Variants in COL28A1 observed in about 807,000 individuals in gnomAD.
COL28A1 encodes collagen type XXVIII alpha 1 chain.
A neutral mutation model predicts 150.2 loss-of-function variants in COL28A1; 161 were observed. The ratio of observed to expected loss-of-function variants is 1.07; its 90% confidence interval spans 0.94 to 1.22. The LOEUF is 1.22. Ranked by LOEUF, COL28A1 falls within the 50% of genes most tolerant of loss-of-function variation. The pLI, the probability that COL28A1 is intolerant of heterozygous loss-of-function variation, is 0.00. For synonymous variants in COL28A1, 552 were observed against 469.7 expected (o/e 1.18, Z -2.26); for missense variants, 1,617 against 1,388.3 (o/e 1.16, Z -2.62).
chr7:7,393,022 C>T (rs531693954), intron 27 of COL28A1, among the ~76,000 whole-genome samples: 5 of 152,048 alleles, frequency 3.3e-5, no homozygotes, highest in East Asian at 1.9e-4. Flanking sequence ...CCCTTGCTGG[C>T]GAGGAGTTGT....
In COL28A1 at chr7:7,517,651, T is replaced by C. The variant is rs116286219; in HGVS notation, c.855+145A>G. 1,379 of 1,155,190 alleles carry C rather than the reference T, an allele frequency of 1.2e-3. 12 individuals are homozygous for C. The African/African-American group carries it at 0.018, about 15-fold the overall frequency. The allele number at this position is 1,155,190 out of a possible 1,614,324, so 71.6% of individuals were successfully genotyped here. A position where few individuals can be genotyped will look rare whatever the true frequency, so the allele number is the denominator to read the frequency against. On this transcript the variant is annotated intron_variant, in intron 7 of 34. Coordinates refer to ENST00000399429, the MANE Select transcript of COL28A1 (RefSeq NM_001037763.3). ...ACATTTCCACTTCTAAGATCATATC[T>C]TTCTGATTGCCTTCTTGAGCCATCA...
At chr7:7,492,686 G>A (rs1347953406) in intron 11 of COL28A1, among the ~76,000 whole-genome samples, 2 of 149,712 alleles carry the variant, frequency 1.3e-5, no homozygotes, top group Non-Finnish European at 3.0e-5. Context: ...CAGCTCCCCA[G>A]AAGATATGCC....
chr7:7,379,988 C>A (rs764821321), intron 30 of COL28A1, among the ~76,000 whole-genome samples: 1 of 152,096 alleles, frequency 6.6e-6, no homozygotes, highest in Admixed American at 6.5e-5. Flanking sequence ...CCTAGTACAT[C>A]GAATCAGCCC....
chr7:7,490,553 TG>T, intron 12 of COL28A1, 24 bp downstream of exon 12: 1 of 993,364 alleles, frequency 1.0e-6, no homozygotes. Flanking sequence ...CAGTCATCAG[TG>T]GGCAAAAAGA....
intron 27 of COL28A1, among the ~76,000 whole-genome samples, chr7:7,390,738 G>C (rs773909364): frequency 2.0e-5 from 3 of 152,112 alleles, no homozygotes; most frequent in Admixed American, 6.5e-5. Flanking sequence ...ATGTGTCCAG[G>C]AACTTATCCA....
intron 17 of COL28A1, among the ~76,000 whole-genome samples, chr7:7,453,211 A>G (rs1013654198): frequency 3.9e-5 from 6 of 152,234 alleles, no homozygotes; most frequent in African/African-American, 1.2e-4. Context: ...AAATAAAAGT[A>G]ACAAAGAAAA....
chr7:7,515,771 C>T (rs771484956), intron 8 of COL28A1, 43 bp downstream of exon 8: 1 of 877,426 alleles, frequency 1.1e-6, no homozygotes, highest in Non-Finnish European at 1.9e-6. Context: ...TTCTGTTTTT[C>T]TTTTTGAAAT....
intron 9 of COL28A1, among the ~76,000 whole-genome samples, chr7:7,510,606 A>G (rs1781078792): frequency 1.3e-5 from 2 of 152,220 alleles, no homozygotes; most frequent in African/African-American, 4.8e-5. Context: ...TTTAAAATAA[A>G]GGTGAATATT....
At chr7:7,460,480 C>T (rs1440972386) in intron 15 of COL28A1, among the ~76,000 whole-genome samples, 1 of 151,992 alleles carries the variant, frequency 6.6e-6, no homozygotes, top group East Asian at 1.9e-4. Context: ...CTCCTGGGTT[C>T]ACCCACCATT....
Position 7,477,280 on chromosome 7 carries a change from C to T in COL28A1, c.1165-100G>A. 4 of 724,280 alleles carry T rather than the reference C, an allele frequency of 5.5e-6. No individual in the cohort carries two copies. The South Asian group carries it at 6.4e-5, about 12-fold the overall frequency. The allele number at this position is 724,280 out of a possible 1,614,324, so 44.9% of individuals were successfully genotyped here. On this transcript the variant is annotated intron_variant, in intron 13 of 34. Coordinates refer to ENST00000399429, the MANE Select transcript of COL28A1 (RefSeq NM_001037763.3). ...AGGAAGAAAGAGAATGGTTATATTT[C>T]AGTTTACATGCCAAAAAAAAATGGA...
In COL28A1 at chr7:7,507,887, A is replaced by G. The variant is rs185719923; in HGVS notation, c.928-726T>C. Among the ~76,000 whole-genome samples the G allele has an allele frequency of 3.6e-3, 555 of 152,326 alleles. 3 individuals are homozygous for G. Among genetic ancestry groups the G allele is most frequent in the Non-Finnish European group, 6.0e-3 (410 of 68,020 alleles). Reference sequence around the variant, plus strand: ...AGATTCCTCTTCAAATAATGTGATCAAAGTGTATGTCTGATTTTGTGTCCT... The same window carrying G: ...AGATTCCTCTTCAAATAATGTGATCGAAGTGTATGTCTGATTTTGTGTCCT... On this transcript the variant is annotated intron_variant, in intron 9 of 34. Transcript: ENST00000399429.
intron 33 of COL28A1, among the ~76,000 whole-genome samples, chr7:7,363,748 T>C (rs938740182): frequency 1.3e-5 from 2 of 152,088 alleles, no homozygotes; most frequent in African/African-American, 2.4e-5. Context: ...TTTTAAAAAA[T>C]ATACTATATT....
downstream of COL28A1, among the ~76,000 whole-genome samples, chr7:7,353,027 A>C (rs1172058087): frequency 2.0e-5 from 3 of 152,200 alleles, no homozygotes; most frequent in African/African-American, 7.2e-5. Flanking sequence ...TTCCAAATGA[A>C]TAGCTGTTAC....
intron 21 of COL28A1, among the ~76,000 whole-genome samples, chr7:7,439,652 T>TA (rs1339887276): frequency 6.6e-6 from 1 of 152,200 alleles, no homozygotes; most frequent in Non-Finnish European, 1.5e-5. Context: ...CACTTTGAAA[T>TA]AGAGTAACTA....
chr7:7,484,248 A>G (rs991103762), intron 13 of COL28A1, among the ~76,000 whole-genome samples: 74 of 152,320 alleles, frequency 4.9e-4, no homozygotes, highest in African/African-American at 1.7e-3. Context: ...TAAACAGACT[A>G]AAGACATGGA....
chr7:7,363,553 T>C (rs1396321138), intron 33 of COL28A1, among the ~76,000 whole-genome samples: 1 of 152,172 alleles, frequency 6.6e-6, no homozygotes. Flanking sequence ...AAAGGAATTT[T>C]AGAAAATGTG....
At chr7:7,524,366 C>A in intron 3 of COL28A1, 117 bp from the exon 4 acceptor site, 1 of 705,674 alleles carries the variant, frequency 1.4e-6, no homozygotes, top group Non-Finnish European at 2.4e-6. Flanking sequence ...AGCAATTCAG[C>A]CTTTTTAAAC....
chr7:7,398,535 TG>T (rs1410178414), intron 27 of COL28A1, among the ~76,000 whole-genome samples: 1 of 152,220 alleles, frequency 6.6e-6, no homozygotes, highest in Non-Finnish European at 1.5e-5. Context: ...ACAATGAAAT[TG>T]TTCTTAGTTT....
At chr7:7,394,160 C>T (rs1315317091) in intron 27 of COL28A1, among the ~76,000 whole-genome samples, 2 of 152,106 alleles carry the variant, frequency 1.3e-5, no homozygotes, top group Admixed American at 1.3e-4. Context: ...TGGCACAGTC[C>T]CTCATGGCTT....
Sources: gnomAD v4.1 joint callset for allele counts (sites outside exome capture counted in the v4.1 genomes callset) on GRCh38, gnomAD v4.1.1 for gene constraint, MANE v1.5 for transcripts, NCBI Gene and HGNC (gene_info 2026-07-23, HGNC 2026-07-21) for gene names.